WWOX: variants seen among roughly 807,000 people sequenced by gnomAD.
The protein encoded by WWOX is WW domain-containing oxidoreductase.
In WWOX, 69 loss-of-function variants were observed where a neutral mutation model predicts 46.2. The ratio of observed to expected loss-of-function variants is 1.49; its 90% CI spans 1.23 to 1.82. WWOX has a LOEUF of 1.82. WWOX is among the 40% of genes most tolerant of loss of function. The pLI is 0.00. For synonymous variants in WWOX, 359 were observed against 202.6 expected (o/e 1.77, Z -6.56); for missense variants, 919 against 542.6 (o/e 1.69, Z -6.89).
chr16:78,816,476 A>C (rs2051332308), intron 8 of WWOX, among the ~76,000 whole-genome samples: 1 of 149,936 alleles, frequency 6.7e-6, no homozygotes, highest in Admixed American at 6.7e-5. Flanking sequence ...CAATTACTGA[A>C]ATCTACCAGA....
chr16:78,333,072 C>T (rs1326195910), intron 5 of WWOX, among the ~76,000 whole-genome samples: 1 of 43,714 alleles, frequency 2.3e-5, no homozygotes, highest in Admixed American at 2.9e-4. Flanking sequence ...TTTTTTGAGA[C>T]AGAGTCTAGC....
At chr16:78,619,802 A>C (rs964744031) in intron 8 of WWOX, among the ~76,000 whole-genome samples, 1 of 152,076 alleles carries the variant, frequency 6.6e-6, no homozygotes, top group Non-Finnish European at 1.5e-5. Flanking sequence ...CCAGCTACTC[A>C]GGAGGCTGAG....
At chr16:78,835,860 AT>A (rs1295385165) in intron 8 of WWOX, among the ~76,000 whole-genome samples, 1 of 152,324 alleles carries the variant, frequency 6.6e-6, no homozygotes, top group East Asian at 1.9e-4. Context: ...TGAATTCAAC[AT>A]ATTTATTTTT....
chr16:78,740,795 C>T (rs192321975), intron 8 of WWOX, among the ~76,000 whole-genome samples: 9 of 152,214 alleles, frequency 5.9e-5, no homozygotes, highest in Admixed American at 2.6e-4. Flanking sequence ...TGTGTGTGTA[C>T]GTGTGTGCAT....
intron 8 of WWOX, among the ~76,000 whole-genome samples, chr16:78,638,475 G>C (rs2046628609): frequency 6.6e-6 from 1 of 152,016 alleles, no homozygotes; most frequent in South Asian, 2.1e-4. Flanking sequence ...CCCAGACCCA[G>C]CTTGTTGGCC....
intron 5 of WWOX, among the ~76,000 whole-genome samples, chr16:78,334,387 A>G (rs977487924): frequency 2.8e-4 from 42 of 152,208 alleles, no homozygotes; most frequent in Admixed American, 1.1e-3. Flanking sequence ...CTTGGAACAG[A>G]ATATAACAAC....
intron 8 of WWOX, among the ~76,000 whole-genome samples, chr16:78,667,741 GC>G (rs2047366552): frequency 6.6e-6 from 1 of 150,828 alleles, no homozygotes; most frequent in African/African-American, 2.4e-5. Flanking sequence ...CCATTACTCT[GC>G]TCATTGTTCA....
At chr16:78,540,018 T>TCA (rs764527946) in intron 8 of WWOX, among the ~76,000 whole-genome samples, 1,286 of 102,386 alleles carry the variant, frequency 0.013, 5 homozygotes, top group Middle Eastern at 0.03. Context: ...TCTCTCTCTC[T>TCA]CTCACACACA....
intron 8 of WWOX, among the ~76,000 whole-genome samples, chr16:78,670,609 A>T (rs1194032746): frequency 6.6e-6 from 1 of 152,082 alleles, no homozygotes; most frequent in African/African-American, 2.4e-5. Flanking sequence ...TGTCCCCCCA[A>T]ATTCGTGTCT....
intron 8 of WWOX, among the ~76,000 whole-genome samples, chr16:79,096,228 T>C (rs1316536156): frequency 1.3e-5 from 2 of 152,002 alleles, no homozygotes; most frequent in Admixed American, 6.6e-5. Context: ...TTCAGTTCTT[T>C]CTCCACGGAG....
At chr16:78,164,402 T>A in intron 5 of WWOX, 113 bp downstream of exon 5, 1 of 948,802 alleles carries the variant, frequency 1.1e-6, no homozygotes, top group Admixed American at 2.1e-5. Flanking sequence ...ATCATGTCTT[T>A]ATTTTTAAAG....
At chr16:78,326,550 G>T (rs2080621746) in intron 5 of WWOX, among the ~76,000 whole-genome samples, 3 of 121,768 alleles carry the variant, frequency 2.5e-5, no homozygotes, top group Admixed American at 8.4e-5. Flanking sequence ...TAACCTCTCT[G>T]GCTTTATTTC....
At chr16:78,527,657 C>A (rs1184921942) in intron 8 of WWOX, among the ~76,000 whole-genome samples, 1 of 152,090 alleles carries the variant, frequency 6.6e-6, no homozygotes, top group East Asian at 1.9e-4. Context: ...CTACTATGCA[C>A]CTTACAGCTC....
chr16:78,726,099 CCCTCCCTCCCTCTCTG>C (rs1375460161), intron 8 of WWOX, among the ~76,000 whole-genome samples: 2 of 135,772 alleles, frequency 1.5e-5, no homozygotes, highest in African/African-American at 2.7e-5. Flanking sequence ...CTCCCTCCCT[CCCTCCCTCCCTCTCTG>C]CCTCCCTCTC....
intron 8 of WWOX, among the ~76,000 whole-genome samples, chr16:79,091,555 G>T (rs1228307959): frequency 6.6e-6 from 1 of 152,172 alleles, no homozygotes; most frequent in African/African-American, 2.4e-5. Flanking sequence ...TGGAGAGAGG[G>T]TTTACTAAGC....
intron 5 of WWOX, among the ~76,000 whole-genome samples, chr16:78,287,034 A>G (rs528395492): frequency 4.7e-4 from 72 of 152,292 alleles, no homozygotes; most frequent in African/African-American, 1.6e-3. Context: ...TTTTTCTCCA[A>G]TACCTGGGAG....
intron 8 of WWOX, among the ~76,000 whole-genome samples, chr16:79,062,396 C>T (rs1291058085): frequency 6.6e-6 from 1 of 151,358 alleles, no homozygotes; most frequent in African/African-American, 2.4e-5. Context: ...GGATTTATTT[C>T]CATAGGGAAG....
intron 8 of WWOX, among the ~76,000 whole-genome samples, chr16:79,138,904 G>A (rs1211181582): frequency 2.0e-5 from 3 of 152,150 alleles, no homozygotes; most frequent in Non-Finnish European, 4.4e-5. Flanking sequence ...CAGCAGGCTG[G>A]ATGCCAAGGA....
At chr16:78,566,491 C>G (rs115134142) in intron 8 of WWOX, among the ~76,000 whole-genome samples, 3 of 152,118 alleles carry the variant, frequency 2.0e-5, no homozygotes, top group Non-Finnish European at 2.9e-5. Context: ...TTGTCGCTGG[C>G]CTTGCTGTAA....
Sources: allele counts gnomAD v4.1 joint callset (sites outside exome capture counted in the v4.1 genomes callset), GRCh38; gene constraint gnomAD v4.1.1; transcripts MANE v1.5; gene names NCBI Gene and HGNC (gene_info 2026-07-23, HGNC 2026-07-21).